The following FRAS1 variants were observed in gnomAD, a reference collection of about 807,000 sequenced individuals.
FRAS1 encodes the protein extracellular matrix organizing protein FRAS1.
A neutral mutation model predicts 435.2 loss-of-function variants in FRAS1; 290 were observed. That is an observed-to-expected ratio of 0.67 (90% CI 0.61 to 0.73). The LOEUF is 0.73. FRAS1 is among the 30% of genes least tolerant of loss of function. FRAS1 has a pLI of 0.00. For missense variants in FRAS1, 4,860 were observed against 5,001.5 expected (o/e 0.97, Z 0.85); for synonymous variants, 1,800 against 1,851.0 (o/e 0.97, Z 0.71).
At position 78,515,893 on chromosome 4, in the gene FRAS1, G is replaced by C; in HGVS notation, c.10269G>C (p.Pro3423=). The C allele has an allele frequency of 6.2e-7, 1 of 1,613,944 alleles. No individual in the cohort carries two copies. The highest frequency in any genetic ancestry group is 8.5e-7 in the Non-Finnish European group (1 of 1,179,882). Residue 3423 remains proline (P), a synonymous_variant, in exon 66 of 74, where the codon CCG becomes CCC. Transcript: ENST00000512123. ...AGTTTGACCCCAGCGTGCGAGAGCC[G>C]AAGACCATCCAGCTCTACAAACACC... ...PFQFDPSVRE[P]KTIQLYKHLN... is the part of the protein sequence containing the mutation.
chr4:78,137,642 A>T (rs781575807), intron 2 of FRAS1, among the ~76,000 whole-genome samples: 77 of 152,350 alleles, frequency 5.1e-4, no homozygotes, highest in Non-Finnish European at 4.6e-4. Context: ...CTGGTAAGTC[A>T]TCTTGGCATT....
chr4:78,068,811 C>T, intron 2 of FRAS1: 1 of 345,960 alleles, frequency 2.9e-6, no homozygotes, highest in South Asian at 2.3e-5. Flanking sequence ...ACTTTAAGTT[C>T]TCTTTCCATT....
intron 2 of FRAS1, among the ~76,000 whole-genome samples, chr4:78,217,729 A>G: frequency 6.6e-6 from 1 of 151,668 alleles, no homozygotes; most frequent in East Asian, 1.9e-4. Context: ...CATTCATTCA[A>G]TGGACGGTAG....
intron 9 of FRAS1, among the ~76,000 whole-genome samples, chr4:78,272,396 T>G (rs940446465): frequency 5.3e-5 from 8 of 152,228 alleles, no homozygotes; most frequent in African/African-American, 1.9e-4. Context: ...CATGCCTATG[T>G]CCTGAATGGT....
intron 9 of FRAS1, among the ~76,000 whole-genome samples, chr4:78,270,784 G>A (rs1031804964): frequency 5.3e-5 from 8 of 152,002 alleles, no homozygotes; most frequent in Admixed American, 3.9e-4. Flanking sequence ...GTGTTTCTGG[G>A]TTATGCCTTC....
intron 15 of FRAS1, among the ~76,000 whole-genome samples, chr4:78,311,941 A>G (rs1176310086): frequency 3.3e-5 from 5 of 151,908 alleles, no homozygotes; most frequent in Non-Finnish European, 1.5e-5. Context: ...GTTTCCTTGT[A>G]TGTTATAGAT....
Position 78,085,230 on chromosome 4 carries a change from G to T in FRAS1, c.108+19214G>T, listed in dbSNP as rs187994131. On this transcript the variant is annotated intron_variant, in intron 2 of 73. Coordinates refer to ENST00000512123, the MANE Select transcript of FRAS1 (RefSeq NM_025074.7). ...CTTTTGGATTTGACAGATAGGAAAT[G>T]ATATCTCAGCATAGTTTTAATTGTA... Among the ~76,000 whole-genome samples the T allele has an allele frequency of 2.6e-5, 4 of 152,196 alleles. No homozygotes were observed. The East Asian group carries it at 7.7e-4, about 29-fold the overall frequency.
intron 2 of FRAS1, among the ~76,000 whole-genome samples, chr4:78,113,547 G>A (rs1039209106): frequency 2.6e-5 from 4 of 152,146 alleles, no homozygotes; most frequent in African/African-American, 9.7e-5. Context: ...GTATCTCATT[G>A]TGGTTTTGAT....
chr4:78,396,408 T>G (rs1732665407), intron 29 of FRAS1, among the ~76,000 whole-genome samples: 1 of 152,240 alleles, frequency 6.6e-6, no homozygotes, highest in Non-Finnish European at 1.5e-5. Context: ...GCATTTCTTG[T>G]AAGACAGGAC....
At chr4:78,389,189 C>T (rs954322916) in intron 29 of FRAS1, among the ~76,000 whole-genome samples, 9 of 152,174 alleles carry the variant, frequency 5.9e-5, no homozygotes, top group African/African-American at 1.9e-4. Flanking sequence ...CACTGGATGC[C>T]CTTTACTCAG....
intron 2 of FRAS1, among the ~76,000 whole-genome samples, chr4:78,168,693 C>T (rs1721434913): frequency 1.3e-5 from 2 of 152,084 alleles, no homozygotes; most frequent in Admixed American, 1.3e-4. Flanking sequence ...TTTTCTCCCT[C>T]ACCTGTGATA....
At chr4:78,501,048 T>C (rs1459140666) in intron 61 of FRAS1, among the ~76,000 whole-genome samples, 1 of 152,154 alleles carries the variant, frequency 6.6e-6, no homozygotes, top group Non-Finnish European at 1.5e-5. Context: ...GCATGTGCCA[T>C]GTTGGTTTGC....
chr4:78,394,195 G>A lies in FRAS1; in HGVS notation c.3975+6494G>A, dbSNP rs1300944076. On this transcript the variant is annotated intron_variant, in intron 29 of 73. Coordinates refer to ENST00000512123, the MANE Select transcript of FRAS1 (RefSeq NM_025074.7). ...CATTTTGTTGATTATTTCCCTTGCT[G>A]TGCAGATGCTTTTTGGTTTGACATA... 6.6e-5 allele frequency among the ~76,000 whole-genome samples: 10 copies of A among 151,812 alleles called. No individual in the cohort carries two copies. The East Asian group carries it at 1.7e-3, about 26-fold the overall frequency.
At chr4:78,215,805 G>T (rs1240894230) in intron 2 of FRAS1, among the ~76,000 whole-genome samples, 3 of 152,170 alleles carry the variant, frequency 2.0e-5, no homozygotes, top group African/African-American at 7.2e-5. Context: ...TAAGCTGATT[G>T]ATATTCCATT....
chr4:78,167,034 T>A (rs1721359819), intron 2 of FRAS1, among the ~76,000 whole-genome samples: 1 of 152,194 alleles, frequency 6.6e-6, no homozygotes, highest in Non-Finnish European at 1.5e-5. Flanking sequence ...AAGACATAAA[T>A]GCTATTGTGT....
intron 2 of FRAS1, among the ~76,000 whole-genome samples, chr4:78,184,858 G>T (rs1421271531): frequency 6.6e-6 from 1 of 152,204 alleles, no homozygotes; most frequent in African/African-American, 2.4e-5. Flanking sequence ...TCTCACAGCA[G>T]CATCTAGATT....
At chr4:78,291,705 CTT>C (rs2110194888) in intron 14 of FRAS1, among the ~76,000 whole-genome samples, 1 of 152,228 alleles carries the variant, frequency 6.6e-6, no homozygotes, top group South Asian at 2.1e-4. Context: ...AAGATTCAGT[CTT>C]TGCCTATAGT....
intron 29 of FRAS1, among the ~76,000 whole-genome samples, chr4:78,391,187 A>G (rs1732430245): frequency 6.6e-6 from 1 of 152,224 alleles, no homozygotes. Flanking sequence ...AGGAGCTGTC[A>G]GTTCAACCCT....
intron 58 of FRAS1, among the ~76,000 whole-genome samples, chr4:78,487,891 T>G (rs1720220171): frequency 6.6e-6 from 1 of 152,174 alleles, no homozygotes; most frequent in Non-Finnish European, 1.5e-5. Flanking sequence ...AGGGCTGAGA[T>G]GGAAATTCAG....
Sources: gnomAD v4.1 joint callset for allele counts (sites outside exome capture counted in the v4.1 genomes callset) on GRCh38, gnomAD v4.1.1 for gene constraint, MANE v1.5 for transcripts, NCBI Gene and HGNC (gene_info 2026-07-23, HGNC 2026-07-21) for gene names.